Variants in PRELID2 observed in about 807,000 individuals in gnomAD.
PRELID2 encodes PRELI domain containing 2.
Under a neutral mutation model 28.4 loss-of-function variants are expected in PRELID2, and 25 were observed. That is an observed-to-expected ratio of 0.88 (90% CI 0.64 to 1.23). The LOEUF (loss-of-function observed/expected upper bound fraction) is 1.23, where lower values mean the gene tolerates loss of function less well. Ranked by LOEUF, PRELID2 falls within the 50% of genes most tolerant of loss-of-function variation. The pLI is 0.00. For synonymous variants in PRELID2, 76 were observed against 71.6 expected, an observed-to-expected ratio of 1.06 and a Z score of -0.31; for missense variants, 201 against 214.4, an observed-to-expected ratio of 0.94 and a Z score of 0.39.
At chr5:145,417,689 T>C in the PRELID2 span, among the ~76,000 whole-genome samples, 18 of 152,138 alleles carry the variant, frequency 1.2e-4, no homozygotes, top group African/African-American at 4.1e-4. Context: ...TTTGACAAAA[T>C]TCAACATCCC....
At chr5:145,261,540 C>G in the PRELID2 span, among the ~76,000 whole-genome samples, 2 of 152,154 alleles carry the variant, frequency 1.3e-5, no homozygotes, top group East Asian at 3.9e-4. Context: ...CTCCCCAGTA[C>G]CAGCCCACAG....
At chr5:145,489,961 G>A (rs574579922) in intron 1 of PRELID2, among the ~76,000 whole-genome samples, 2 of 152,138 alleles carry the variant, frequency 1.3e-5, no homozygotes, top group Admixed American at 6.5e-5. Flanking sequence ...TATAAAGAAC[G>A]ACTTTGCATA....
intron 1 of PRELID2, among the ~76,000 whole-genome samples, chr5:145,735,919 G>A (rs772835947): frequency 2.6e-5 from 4 of 152,118 alleles, no homozygotes; most frequent in African/African-American, 2.4e-5. Context: ...AATCTTACTC[G>A]GCGCTCTCTC....
intron 1 of PRELID2, among the ~76,000 whole-genome samples, chr5:145,713,479 T>A (rs1485729121): frequency 7.0e-6 from 1 of 143,754 alleles, no homozygotes; most frequent in African/African-American, 2.5e-5. Context: ...ATACACACAC[T>A]ATATATATAT....
chr5:145,285,866 A>T, the PRELID2 span, among the ~76,000 whole-genome samples: 3 of 152,210 alleles, frequency 2.0e-5, no homozygotes, highest in African/African-American at 7.2e-5. Context: ...GACAGTGTTA[A>T]GTAAATGCCA....
intron 1 of PRELID2, among the ~76,000 whole-genome samples, chr5:145,650,297 G>A (rs1754266172): frequency 2.0e-5 from 3 of 151,884 alleles, no homozygotes; most frequent in Non-Finnish European, 2.9e-5. Context: ...AAGGAGACGA[G>A]TAGCACTGAA....
chr5:145,835,102 C>G (rs1755849100), intron 1 of PRELID2, 75 bp downstream of exon 1: 1 of 1,029,908 alleles, frequency 9.7e-7, no homozygotes, highest in Non-Finnish European at 1.5e-6. Context: ...CCAGCTTCCG[C>G]GTGGATGAAG....
At chr5:145,321,263 T>G in the PRELID2 span, among the ~76,000 whole-genome samples, 1 of 152,222 alleles carries the variant, frequency 6.6e-6, no homozygotes, top group South Asian at 2.1e-4. Flanking sequence ...TTACCAAAGT[T>G]ACTAAGGAGG....
intron 1 of PRELID2, among the ~76,000 whole-genome samples, chr5:145,679,511 A>G (rs1754891097): frequency 6.6e-6 from 1 of 152,142 alleles, no homozygotes; most frequent in African/African-American, 2.4e-5. Context: ...ACTTATCATA[A>G]TCATTAATTG....
chr5:145,652,759 A>G (rs1311054480), intron 1 of PRELID2, among the ~76,000 whole-genome samples: 1 of 152,232 alleles, frequency 6.6e-6, no homozygotes. Context: ...AGCACTAAAC[A>G]TGGAAAGGAA....
intron 1 of PRELID2, among the ~76,000 whole-genome samples, chr5:145,832,543 T>A (rs542507562): frequency 6.6e-6 from 1 of 152,142 alleles, no homozygotes; most frequent in Admixed American, 6.5e-5. Flanking sequence ...GCCTATTATA[T>A]GCAATGCAGC....
chr5:145,826,798 A>C (rs1237411541), intron 1 of PRELID2, among the ~76,000 whole-genome samples: 1 of 152,186 alleles, frequency 6.6e-6, no homozygotes, highest in Non-Finnish European at 1.5e-5. Flanking sequence ...AGAATATTCA[A>C]TATGTTTCTG....
the PRELID2 span, among the ~76,000 whole-genome samples, chr5:145,417,925 G>T: frequency 6.6e-6 from 1 of 152,028 alleles, no homozygotes; most frequent in Admixed American, 6.6e-5. Context: ...AGAAATAAAG[G>T]GTATTCAAAT....
chr5:145,426,104 T>C, the PRELID2 span, among the ~76,000 whole-genome samples: 1 of 152,214 alleles, frequency 6.6e-6, no homozygotes, highest in Non-Finnish European at 1.5e-5. Context: ...GTCAGGACCC[T>C]TCTGGCAGAT....
the PRELID2 span, among the ~76,000 whole-genome samples, chr5:145,243,432 A>C: frequency 1.3e-5 from 2 of 152,106 alleles, no homozygotes; most frequent in African/African-American, 4.8e-5. Context: ...TTCATATTAA[A>C]AAAAAAGAAA....
intron 1 of PRELID2, among the ~76,000 whole-genome samples, chr5:145,508,651 TC>T (rs766990829): frequency 1.1e-4 from 17 of 152,182 alleles, no homozygotes; most frequent in Non-Finnish European, 1.5e-4. Flanking sequence ...ACCTATCTTC[TC>T]CTCTTGCTCA....
intron 1 of PRELID2, among the ~76,000 whole-genome samples, chr5:145,677,152 GTTT>G (rs756255750): frequency 4.0e-5 from 5 of 124,044 alleles, no homozygotes; most frequent in African/African-American, 9.3e-5. Flanking sequence ...TTTGGTTTTG[GTTT>G]TTTTTTTTTT....
At chr5:145,392,433 G>C in the PRELID2 span, among the ~76,000 whole-genome samples, 1 of 152,078 alleles carries the variant, frequency 6.6e-6, no homozygotes, top group South Asian at 2.1e-4. Context: ...CTCCCACCGG[G>C]TCTCTCTCAG....
the PRELID2 span, among the ~76,000 whole-genome samples, chr5:145,255,191 G>A: frequency 2.2e-3 from 338 of 152,126 alleles, 1 homozygote; most frequent in African/African-American, 6.7e-3. Flanking sequence ...AAAGATGCAA[G>A]AGAATATGGC....
Sources: gnomAD v4.1 joint callset for allele counts (sites outside exome capture counted in the v4.1 genomes callset) on GRCh38, gnomAD v4.1.1 for gene constraint, MANE v1.5 for transcripts, NCBI Gene and HGNC (gene_info 2026-07-23, HGNC 2026-07-21) for gene names.